The following RBL2 variants were observed in gnomAD, a reference collection of about 807,000 sequenced individuals.
RBL2 encodes retinoblastoma-like protein 2.
In RBL2, 56 loss-of-function variants were observed where a neutral mutation model predicts 126.0. The ratio of observed to expected loss-of-function variants is 0.44; its 90% CI spans 0.36 to 0.56. The LOEUF (loss-of-function observed/expected upper bound fraction) is 0.56, where lower values mean the gene tolerates loss of function less well. Among genes scored for constraint, RBL2 ranks in the 20% least tolerant of loss-of-function variants. RBL2 has a pLI of 0.00. For synonymous variants in RBL2, 454 were observed against 478.5 expected (o/e 0.95, Z 0.67); for missense variants, 1,229 against 1,398.2 (o/e 0.88, Z 1.93).
intron 1 of RBL2, chr16:53,435,480 T>A: frequency 1.1e-6 from 1 of 889,824 alleles, no homozygotes; most frequent in Non-Finnish European, 1.5e-6. Flanking sequence ...CCTGTTGTTG[T>A]TGCGATCCGG....
intron 7 of RBL2, among the ~76,000 whole-genome samples, chr16:53,454,014 C>G (rs568973969): frequency 1.3e-5 from 2 of 152,128 alleles, no homozygotes; most frequent in Non-Finnish European, 2.9e-5. Flanking sequence ...TCTTTTGGAA[C>G]TATATGGGTG....
intron 17 of RBL2, among the ~76,000 whole-genome samples, chr16:53,474,758 G>A (rs891760792): frequency 4.6e-5 from 7 of 152,180 alleles, no homozygotes; most frequent in African/African-American, 1.4e-4. Context: ...TGCATAAGAG[G>A]CATTGGTCTG....
intron 1 of RBL2, chr16:53,435,515 C>T (rs2057950136): frequency 8.8e-7 from 1 of 1,139,412 alleles, no homozygotes; most frequent in African/African-American, 1.6e-5. Flanking sequence ...AGCCTTCGGA[C>T]AGGGCTTGCA....
chr16:53,459,936 A>G (rs527345206), intron 9 of RBL2, among the ~76,000 whole-genome samples: 1 of 152,222 alleles, frequency 6.6e-6, no homozygotes, highest in Non-Finnish European at 1.5e-5. Flanking sequence ...GGGGAAGCTC[A>G]GTGATGATGG....
rs1960906690 is a variant in RBL2 at position 53,480,660 on chromosome 16, G to A, written c.2975G>A (p.Gly992Asp). 6.2e-7 allele frequency: 1 copy of A among 1,613,964 alleles called. No individual in the cohort carries two copies. Among genetic ancestry groups the A allele is most frequent in the Non-Finnish European group, 8.5e-7 (1 of 1,179,984 alleles). ...SAPPTPTRLTGANSDMEEEER... is the reference protein window; with the variant it reads ...SAPPTPTRLTDANSDMEEEER... ...CCTCCCACACCTACTCGCCTCACAG[G>A]TGCCAACAGTGACATGGAAGAAGAG... is the stretch of plus-strand genomic sequence containing the variant. The change falls in exon 20 of 22, where the codon GGT becomes GAT. Residue 992 changes from glycine to aspartate, a missense_variant. Physicochemically the swap from Gly to Asp is moderately conservative, Grantham distance 94. Transcript: ENST00000262133.
chr16:53,489,956 C>T (rs181593339), intron 21 of RBL2, 174 bp from the exon 22 acceptor site: 102 of 443,448 alleles, frequency 2.3e-4, no homozygotes, highest in African/African-American at 1.9e-3. Context: ...AGCCATCGGC[C>T]TCAGCCAGCT....
At chr16:53,452,036 A>G (rs772276831) in intron 5 of RBL2, among the ~76,000 whole-genome samples, 1 of 152,220 alleles carries the variant, frequency 6.6e-6, no homozygotes, top group Non-Finnish European at 1.5e-5. Context: ...AAAGTCTTAA[A>G]TGACAACTTC....
rs540015885 is a variant in RBL2 at position 53,446,898 on chromosome 16, A to G, written c.573-144A>G. The G allele has an allele frequency of 2.1e-5, 9 of 433,668 alleles. No homozygotes were observed. The South Asian group carries it at 8.1e-4, about 39-fold the overall frequency. 26.9% of individuals were successfully genotyped at this position (433,668 alleles called of 1,614,324 possible). A position where few individuals can be genotyped will look rare whatever the true frequency, so the allele number is the denominator to read the frequency against. On this transcript the variant is annotated intron_variant, in intron 3 of 21. Coordinates refer to ENST00000262133, the MANE Select transcript of RBL2 (RefSeq NM_005611.4). ...CCTACCAATATTTTGTTAAGGCAGA[A>G]CGTCCACGTTTTCCATGTGAAGCTG...
chr16:53,475,511 C>T (rs1259226101), intron 17 of RBL2, among the ~76,000 whole-genome samples: 2 of 152,044 alleles, frequency 1.3e-5, no homozygotes, highest in Non-Finnish European at 2.9e-5. Flanking sequence ...CCCCTGTGCC[C>T]TGCTTTTTGT....
At chr16:53,461,923 G>C (rs1203626855) in intron 10 of RBL2, 73 bp downstream of exon 10, 38 of 1,297,442 alleles carry the variant, frequency 2.9e-5, no homozygotes, top group Non-Finnish European at 3.8e-5. Flanking sequence ...TACTAACTAA[G>C]AAAGATGAGG....
At chr16:53,451,538 A>T (rs1296981179) in intron 4 of RBL2, among the ~76,000 whole-genome samples, 165 bp from the exon 5 acceptor site, 1 of 152,224 alleles carries the variant, frequency 6.6e-6, no homozygotes, top group African/African-American at 2.4e-5. Flanking sequence ...ATTTATTAAG[A>T]TATAAGAGTA....
intron 1 of RBL2, chr16:53,435,505 A>G: frequency 9.1e-7 from 1 of 1,100,326 alleles, no homozygotes. Flanking sequence ...GTTAGGTCGC[A>G]GCCTTCGGAC....
At chr16:53,451,640 A>AT in intron 4 of RBL2, 63 bp from the exon 5 acceptor site, 1 of 1,550,092 alleles carries the variant, frequency 6.5e-7, no homozygotes, top group Admixed American at 1.8e-5. Flanking sequence ...AAAGGAAGAA[A>AT]TTTTTTAAAA....
At chr16:53,480,112 T>C in intron 19 of RBL2, 121 bp downstream of exon 19, 2 of 691,658 alleles carry the variant, frequency 2.9e-6, no homozygotes, top group Non-Finnish European at 4.8e-6. Context: ...AAGTGTTTTA[T>C]AGATCAGTAA....
chr16:53,466,417 TTAC>T (rs1598113570), intron 13 of RBL2, among the ~76,000 whole-genome samples: 1 of 152,042 alleles, frequency 6.6e-6, no homozygotes, highest in Admixed American at 6.6e-5. Context: ...TCTATTATTA[TTAC>T]GTGGTAATAT....
rs111741119 is a variant in RBL2 at position 53,465,299 on chromosome 16, T to C, written c.1699-139T>C. On this transcript the variant is annotated intron_variant, in intron 12 of 21. Coordinates refer to ENST00000262133, the MANE Select transcript of RBL2 (RefSeq NM_005611.4). ...TTTATATAATTCATAGTTTGAACTA[T>C]AATTATTTACAAAGACAGTAAAAGG... The C allele has an allele frequency of 2.3e-3, 1,260 of 545,820 alleles. 13 individuals carry two copies. The highest frequency in any genetic ancestry group is 0.022 in the African/African-American group (1,128 of 51,028). The allele number at this position is 545,820 out of a possible 1,614,324, so 33.8% of individuals were successfully genotyped here.
intron 3 of RBL2, chr16:53,443,293 A>G (rs115512455): frequency 0.013 from 2,027 of 152,626 alleles, 47 homozygotes; most frequent in African/African-American, 0.045. Flanking sequence ...TAATCAATGT[A>G]TTGTTCCAAT....
intron 4 of RBL2, among the ~76,000 whole-genome samples, chr16:53,448,125 C>T (rs963698339): frequency 6.6e-6 from 1 of 151,684 alleles, no homozygotes; most frequent in Admixed American, 6.6e-5. Flanking sequence ...ATAAGAGAGA[C>T]TCTCATTATT....
At chr16:53,473,777 T>C (rs1021246018) in intron 17 of RBL2, among the ~76,000 whole-genome samples, 170 of 152,234 alleles carry the variant, frequency 1.1e-3, no homozygotes, top group Non-Finnish European at 4.1e-4. Context: ...TTATGGTTTT[T>C]TTCATAGATG....
Sources: gnomAD v4.1 joint callset for allele counts (sites outside exome capture counted in the v4.1 genomes callset) on GRCh38, gnomAD v4.1.1 for gene constraint, MANE v1.5 for transcripts, NCBI Gene and HGNC (gene_info 2026-07-23, HGNC 2026-07-21) for gene names.